The following SUMF1 variants were observed in gnomAD, a reference collection of about 807,000 sequenced individuals.
SUMF1 encodes formylglycine-generating enzyme.
SUMF1 carries 48 observed loss-of-function variants against 47.6 expected under a neutral mutation model. The ratio of observed to expected loss-of-function variants is 1.01; its 90% CI spans 0.80 to 1.28. The LOEUF is 1.28. Among genes scored for constraint, SUMF1 ranks in the 50% most tolerant of loss-of-function variants. The pLI is 0.00. For synonymous variants in SUMF1, 230 were observed against 192.1 expected (o/e 1.20, Z -1.63); for missense variants, 571 against 485.4 (o/e 1.18, Z -1.66).
chr3:4,435,673 AG>A (rs1281275226), intron 3 of SUMF1, among the ~76,000 whole-genome samples: 1 of 152,222 alleles, frequency 6.6e-6, no homozygotes, highest in African/African-American at 2.4e-5. Flanking sequence ...TACATGTAAG[AG>A]AAGTGTTTGA....
intron 8 of SUMF1, among the ~76,000 whole-genome samples, chr3:4,267,656 C>A (rs1451501099): frequency 2.6e-5 from 4 of 151,714 alleles, no homozygotes. Context: ...AACTGGCCAT[C>A]AGAGAAATGC....
Position 4,057,293 on chromosome 3 carries a change from A to T in SUMF1, c.1191+11276T>A, listed in dbSNP as rs539594665. On this transcript the variant is annotated intron_variant and NMD_transcript_variant, in intron 9 of 12. Coordinates refer to the SUMF1 transcript ENST00000448413. The stretch of plus-strand genomic sequence containing the variant: ...CCAATCCAAACCAAAGAATAAAGTC[A>T]AGGGCTGGAGGCCAGTTGCTCTTGT... 1.2e-4 allele frequency among the ~76,000 whole-genome samples: 18 copies of T among 152,190 alleles called. No homozygotes were observed. The East Asian group carries it at 3.5e-3, about 29-fold the overall frequency.
intron 8 of SUMF1, among the ~76,000 whole-genome samples, chr3:4,157,032 T>C (rs1216845689): frequency 1.3e-5 from 2 of 151,642 alleles, no homozygotes; most frequent in Non-Finnish European, 2.9e-5. Flanking sequence ...TTTGAGTACC[T>C]ATAGGATCAT....
At chr3:4,136,523 A>G (rs962152735) in intron 8 of SUMF1, among the ~76,000 whole-genome samples, 1 of 152,072 alleles carries the variant, frequency 6.6e-6, no homozygotes, top group African/African-American at 2.4e-5. Flanking sequence ...AAACCCTAGA[A>G]GAAAACCTAG....
Position 4,165,808 on chromosome 3 carries a change from C to T in SUMF1, c.1015-97063G>A, listed in dbSNP as rs1394068269. ...CATTTCAAGGGTGAACCTGTTGATG[C>T]CTGAGTGTTTCCCAGCTGAAAAAAA... On this transcript the variant is annotated intron_variant and NMD_transcript_variant, in intron 8 of 12. Coordinates refer to the SUMF1 transcript ENST00000448413. Among the ~76,000 whole-genome samples the T allele has an allele frequency of 3.1e-5, 4 of 127,344 alleles. No individual in the cohort carries two copies. The East Asian group carries it at 1.0e-3, about 32-fold the overall frequency. The allele number at this position is 127,344 out of a possible 152,430, so 83.5% of individuals were successfully genotyped here. A position where few individuals can be genotyped will look rare whatever the true frequency, so the allele number is the denominator to read the frequency against.
At chr3:4,151,887 T>C (rs930435147) in intron 8 of SUMF1, among the ~76,000 whole-genome samples, 3 of 151,442 alleles carry the variant, frequency 2.0e-5, no homozygotes, top group South Asian at 4.2e-4. Context: ...GACCTTCCCA[T>C]GTAAGCATGG....
intron 1 of SUMF1, among the ~76,000 whole-genome samples, chr3:4,463,186 A>C (rs982832112): frequency 1.3e-5 from 2 of 152,194 alleles, no homozygotes; most frequent in Admixed American, 1.3e-4. Context: ...ATATCAGACA[A>C]CTACAAAACT....
chr3:4,317,268 TATA>T (rs1248935604), intron 8 of SUMF1: 4 of 1,468,664 alleles, frequency 2.7e-6, no homozygotes, highest in East Asian at 5.0e-5. Context: ...TGAGCCTAGT[TATA>T]ATGATTTAAA....
rs894426696 is a variant in SUMF1, at chr3:4,417,159, G to A, written c.809C>T (p.Thr270Ile). Residue 270 changes from threonine (T) to isoleucine (I), a missense_variant, in exon 6 of 9, where the codon ACT becomes ATT. Transcript: ENST00000272902. ...AGTTCCTTGGAAGCCATCCTCACCA[G>A]TGTTGGTCACCGGAAACTCGCCCTG... ...IWQGEFPVTN[T>I]GEDGFQGTAP... 5 of 1,613,862 alleles carry A rather than the reference G, an allele frequency of 3.1e-6. No individual in the cohort carries two copies. The East Asian group carries it at 8.9e-5, about 29-fold the overall frequency.
At chr3:4,315,718 T>G (rs1698609816) in intron 8 of SUMF1, among the ~76,000 whole-genome samples, 1 of 152,148 alleles carries the variant, frequency 6.6e-6, no homozygotes, top group South Asian at 2.1e-4. Context: ...TATCCCATGA[T>G]AAAATAACAT....
At chr3:4,246,731 A>C (rs1016036584) in intron 8 of SUMF1, among the ~76,000 whole-genome samples, 39 of 152,098 alleles carry the variant, frequency 2.6e-4, no homozygotes, top group African/African-American at 8.7e-4. Flanking sequence ...CTTTTAGTTG[A>C]AGATACTTCA....
At chr3:4,439,824 AG>A (rs1702521453) in intron 3 of SUMF1, among the ~76,000 whole-genome samples, 1 of 151,964 alleles carries the variant, frequency 6.6e-6, no homozygotes. Flanking sequence ...AACCTCCCAA[AG>A]GGCTGGCAGA....
At chr3:4,378,749 C>T (rs560031725) in intron 7 of SUMF1, among the ~76,000 whole-genome samples, 1 of 152,194 alleles carries the variant, frequency 6.6e-6, no homozygotes, top group Non-Finnish European at 1.5e-5. Context: ...CACTGTTTCT[C>T]GCTTAACAAT....
intron 8 of SUMF1, among the ~76,000 whole-genome samples, chr3:4,369,192 T>C (rs969000570): frequency 2.6e-5 from 4 of 152,162 alleles, no homozygotes; most frequent in Non-Finnish European, 5.9e-5. Context: ...CTTCTATAGA[T>C]AGTGAAATGA....
chr3:4,317,599 A>C, intron 8 of SUMF1: 1 of 161,304 alleles, frequency 6.2e-6, no homozygotes, highest in Non-Finnish European at 1.4e-5. Flanking sequence ...ATCACACTTG[A>C]AGAACAAAGC....
chr3:4,306,390 G>A (rs749090442), intron 8 of SUMF1, among the ~76,000 whole-genome samples: 8 of 151,738 alleles, frequency 5.3e-5, no homozygotes, highest in South Asian at 2.1e-4. Context: ...AAATAAATAC[G>A]TCTATTTTTA....
chr3:4,260,311 T>C (rs575140539), intron 8 of SUMF1, among the ~76,000 whole-genome samples: 3 of 152,280 alleles, frequency 2.0e-5, no homozygotes, highest in Admixed American at 2.0e-4. Context: ...TTCTGGCTAA[T>C]TGATACCAGG....
chr3:4,169,688 T>C (rs1038859508), intron 8 of SUMF1, among the ~76,000 whole-genome samples: 8 of 152,214 alleles, frequency 5.3e-5, no homozygotes, highest in Admixed American at 2.0e-4. Context: ...CGTTTGGGGC[T>C]GACAATCTGC....
chr3:4,272,100 T>C (rs2125037105), intron 8 of SUMF1, among the ~76,000 whole-genome samples: 1 of 152,324 alleles, frequency 6.6e-6, no homozygotes, highest in South Asian at 2.1e-4. Flanking sequence ...GGCTTCAGGT[T>C]TCAAGAAAAT....
Sources: allele counts gnomAD v4.1 joint callset (sites outside exome capture counted in the v4.1 genomes callset), GRCh38; gene constraint gnomAD v4.1.1; transcripts MANE v1.5; gene names NCBI Gene and HGNC (gene_info 2026-07-23, HGNC 2026-07-21).